The following PCDH1 variants were observed in gnomAD, a reference collection of about 807,000 sequenced individuals.
The protein encoded by PCDH1 is protocadherin 1.
Under a neutral mutation model 74.6 loss-of-function variants are expected in PCDH1, and 23 were observed. That is an observed-to-expected ratio of 0.31 (90% CI 0.22 to 0.44). The LOEUF is 0.44. Among genes scored for constraint, PCDH1 ranks in the 20% least tolerant of loss-of-function variants. The pLI is 1.00. For missense variants in PCDH1, 1,214 were observed against 1,641.4 expected (o/e 0.74, Z 4.50); for synonymous variants, 647 against 686.1 (o/e 0.94, Z 0.89).
chr5:141,860,791 A>G lies in PCDH1; in HGVS notation c.3099+2441T>C, dbSNP rs138722328. 2.8e-4 allele frequency among the ~76,000 whole-genome samples: 43 copies of G among 152,322 alleles called. No homozygotes were observed. The East Asian group carries it at 8.1e-3, about 29-fold the overall frequency. Reference sequence around the variant, plus strand: ...AACTAATTCACACAAAGTGCTTAGCATGGTACCTCACACCTAGTAAGGACT... The same window carrying G: ...AACTAATTCACACAAAGTGCTTAGCGTGGTACCTCACACCTAGTAAGGACT... On this transcript the variant is annotated intron_variant, in intron 3 of 4. Transcript: ENST00000287008.
chr5:141,874,768 C>A (rs947927585), intron 1 of PCDH1, among the ~76,000 whole-genome samples: 30 of 152,302 alleles, frequency 2.0e-4, no homozygotes, highest in African/African-American at 7.2e-4. Context: ...GACTCCCCAC[C>A]CTCACCCCAG....
chr5:141,868,430 G>A lies in PCDH1; in HGVS notation c.903+139C>T, dbSNP rs962886611. 5.6e-6 allele frequency: 8 copies of A among 1,418,352 alleles called. No homozygotes were observed. The highest frequency in any genetic ancestry group is 6.5e-5 in the Admixed American group (2 of 31,006). 87.9% of individuals were successfully genotyped at this position (1,418,352 alleles called of 1,614,324 possible). The stretch of plus-strand genomic sequence containing the variant: ...GGGTGGGGTGGGAAAGACTCCCCTG[G>A]CTGAGTTTGGGGAGAAGGGGTCTCA... On this transcript the variant is annotated intron_variant, in intron 2 of 4. Transcript: ENST00000287008. This position sits in a 1 kb window ranked among gnomAD's most constrained non-coding sequence, Gnocchi z 4.8.
At chr5:141,876,307 C>A (rs1308742143) in intron 1 of PCDH1, among the ~76,000 whole-genome samples, 1 of 152,146 alleles carries the variant, frequency 6.6e-6, no homozygotes, top group Non-Finnish European at 1.5e-5. Flanking sequence ...CAGGCCACCG[C>A]GGGGAATCCC....
At chr5:141,855,606 C>G (rs776864635) in intron 4 of PCDH1, among the ~76,000 whole-genome samples, 1 of 152,116 alleles carries the variant, frequency 6.6e-6, no homozygotes, top group Admixed American at 6.6e-5. Context: ...CACATGCTCC[C>G]GGTGGTCCTG....
Position 141,865,993 on chromosome 5 carries a change from G to A in PCDH1, c.904-566C>T. The A allele has an allele frequency of 1.1e-6, 1 of 929,896 alleles. No individual in the cohort carries two copies. Among genetic ancestry groups the A allele is most frequent in the Non-Finnish European group, 1.3e-6 (1 of 776,952 alleles). The allele number at this position is 929,896 out of a possible 1,614,324, so 57.6% of individuals were successfully genotyped here. A position where few individuals can be genotyped will look rare whatever the true frequency, so the allele number is the denominator to read the frequency against. The stretch of plus-strand genomic sequence containing the variant: ...TATGTGTATGATTGTGTCAGAATGT[G>A]TGATTATGTGTGATTTTTGTGTGAG... On this transcript the variant is annotated intron_variant, in intron 2 of 4. Coordinates refer to ENST00000287008, the MANE Select transcript of PCDH1 (RefSeq NM_032420.5). This position sits in a 1 kb window ranked among gnomAD's most constrained non-coding sequence, Gnocchi z 4.4.
chr5:141,876,995 T>C (rs1449033485), intron 1 of PCDH1, among the ~76,000 whole-genome samples: 1 of 152,158 alleles, frequency 6.6e-6, no homozygotes, highest in African/African-American at 2.4e-5. Context: ...GAGTGGGGGT[T>C]GGGGAGGCGC....
At chr5:141,866,182 G>C (rs1040643602) in intron 2 of PCDH1, 2 of 985,496 alleles carry the variant, frequency 2.0e-6, no homozygotes, top group Non-Finnish European at 2.4e-6. Context: ...CTGTCAAACC[G>C]GGGAAACCTG....
rs993384766 is a variant in PCDH1, at chr5:141,853,355, T to C, written c.*687A>G. 6.6e-6 allele frequency: 1 copy of C among 152,104 alleles called. No homozygotes were observed. The highest frequency in any genetic ancestry group is 2.4e-5 in the African/African-American group (1 of 41,300). 9.4% of individuals were successfully genotyped at this position (152,104 alleles called of 1,614,324 possible). The stretch of plus-strand genomic sequence containing the variant: ...GACAACACGACATCAACAAGAAAAG[T>C]TGCAAATCAGGCAGAAATGGGGACG... On this transcript the variant is annotated 3_prime_UTR_variant, in exon 5 of 5. Coordinates refer to ENST00000287008, the MANE Select transcript of PCDH1 (RefSeq NM_032420.5).
At position 141,862,092 on chromosome 5, in the gene PCDH1, A is replaced by G. The variant is rs1752590073; in HGVS notation, c.3099+1140T>C. 2.6e-5 allele frequency among the ~76,000 whole-genome samples: 4 copies of G among 152,082 alleles called. No individual in the cohort carries two copies. In the South Asian group the frequency reaches 8.3e-4, roughly 32 times the overall value. On this transcript the variant is annotated intron_variant, in intron 3 of 4. Coordinates refer to ENST00000287008, the MANE Select transcript of PCDH1 (RefSeq NM_032420.5). Reference sequence around the variant, plus strand: ...TCAGGCTGGTGATCATGGTGGGGAGACACAGGGGAGGGCCAGCGAATTGCT... The same window carrying G: ...TCAGGCTGGTGATCATGGTGGGGAGGCACAGGGGAGGGCCAGCGAATTGCT...
At chr5:141,871,871 C>T (rs548204424) in intron 1 of PCDH1, among the ~76,000 whole-genome samples, 25 of 152,250 alleles carry the variant, frequency 1.6e-4, no homozygotes, top group Middle Eastern at 3.4e-3. Context: ...CTCACTTACC[C>T]GATTCCCCTA....
At chr5:141,870,477 G>T (rs964946742) in intron 1 of PCDH1, among the ~76,000 whole-genome samples, 2 of 152,174 alleles carry the variant, frequency 1.3e-5, no homozygotes, top group Non-Finnish European at 2.9e-5. Context: ...GAGCCCAGCA[G>T]GTCTAACTGG....
rs1753293103 is a variant in PCDH1, at chr5:141,878,266, C to T, written c.-4G>A. On this transcript the variant is annotated 5_prime_UTR_variant, in exon 1 of 5. Transcript: ENST00000287008. The surrounding 1 kb of genome is among the most constrained non-coding windows in gnomAD (Gnocchi z 5.5). ...GGCCGCCCGCCCCGCTGTCCATGAG[C>T]CGCCGCCGGCCCCGGCCTGGGCTGC... is the stretch of plus-strand genomic sequence containing the variant. 2 of 1,309,432 alleles carry T rather than the reference C, an allele frequency of 1.5e-6. No individual in the cohort carries two copies. Among genetic ancestry groups the T allele is most frequent in the Non-Finnish European group, 1.9e-6 (2 of 1,033,332 alleles). 81.1% of individuals were successfully genotyped at this position (1,309,432 alleles called of 1,614,324 possible). A position where few individuals can be genotyped will look rare whatever the true frequency, so the allele number is the denominator to read the frequency against.
rs14359 is a variant in PCDH1, at chr5:141,863,068, C to T, written c.3099+164G>A. 1.5e-4 allele frequency: 200 copies of T among 1,364,838 alleles called. No individual in the cohort carries two copies. The highest frequency in any genetic ancestry group is 1.8e-4 in the Non-Finnish European group (191 of 1,054,920). 84.5% of individuals were successfully genotyped at this position (1,364,838 alleles called of 1,614,324 possible). ...CTTCACTCAGCCTAATCCGTGTGCCCGGTGAGGCACTAAGGCCCCACCTCC... is the reference window on the plus strand; with the variant it reads ...CTTCACTCAGCCTAATCCGTGTGCCTGGTGAGGCACTAAGGCCCCACCTCC... On this transcript the variant is annotated intron_variant, in intron 3 of 4. Transcript: ENST00000287008. This position sits in a 1 kb window ranked among gnomAD's most constrained non-coding sequence, Gnocchi z 7.5.
At position 141,878,180 on chromosome 5, in the gene PCDH1, G is replaced by A; in HGVS notation, c.40+43C>T. The A allele has an allele frequency of 7.0e-7, 1 of 1,429,316 alleles. No homozygotes were observed. The highest frequency in any genetic ancestry group is 9.2e-7 in the Non-Finnish European group (1 of 1,092,710). 88.5% of individuals were successfully genotyped at this position (1,429,316 alleles called of 1,614,324 possible). On this transcript the variant is annotated intron_variant, in intron 1 of 4. Coordinates refer to ENST00000287008, the MANE Select transcript of PCDH1 (RefSeq NM_032420.5). The surrounding 1 kb of genome is among the most constrained non-coding windows in gnomAD (Gnocchi z 5.5). ...AGCTCCCGCCGGCCATGACCGCTTC[G>A]GGCCCCAAGCCGCTGCTGCCTCCAC...
rs1753018495 is a variant in PCDH1 at position 141,869,327 on chromosome 5, G to A, written c.145C>T (p.Leu49=). ...LPSMLLALLL[L]LAPSPGHATR... is the part of the protein sequence containing the mutation. ...GCGTGGCCTGGGGATGGAGCCAGCA[G>A]GAGCAGCAGTGCTAGCAGCATGGAG... is the stretch of plus-strand genomic sequence containing the variant. The change falls in exon 2 of 5, where the codon CTG becomes TTG. Residue 49 remains leucine, a synonymous_variant. Coordinates refer to ENST00000287008, the MANE Select transcript of PCDH1 (RefSeq NM_032420.5). The surrounding 1 kb of genome is among the most constrained non-coding windows in gnomAD (Gnocchi z 4.9). The A allele has an allele frequency of 1.3e-6, 2 of 1,599,242 alleles. No individual in the cohort carries two copies. Among genetic ancestry groups the A allele is most frequent in the Admixed American group, 3.5e-5 (2 of 57,048 alleles).
Position 141,863,052 on chromosome 5 carries a change from G to A in PCDH1, c.3099+180C>T, listed in dbSNP as rs1752630747. 7 of 1,352,370 alleles carry A rather than the reference G, an allele frequency of 5.2e-6. No individual in the cohort carries two copies. The highest frequency in any genetic ancestry group is 6.7e-6 in the Non-Finnish European group (7 of 1,050,306). 83.8% of individuals were successfully genotyped at this position (1,352,370 alleles called of 1,614,324 possible). A position where few individuals can be genotyped will look rare whatever the true frequency, so the allele number is the denominator to read the frequency against. On this transcript the variant is annotated intron_variant, in intron 3 of 4. Transcript: ENST00000287008. This position sits in a 1 kb window ranked among gnomAD's most constrained non-coding sequence, Gnocchi z 7.5. ...CACACCCTCCCTTAATCTTCACTCA[G>A]CCTAATCCGTGTGCCCGGTGAGGCA...
chr5:141,873,192 C>T (rs1753136475), intron 1 of PCDH1, among the ~76,000 whole-genome samples: 1 of 151,786 alleles, frequency 6.6e-6, no homozygotes, highest in Non-Finnish European at 1.5e-5. Context: ...GTGGTGCGAT[C>T]TGGCCTCACT....
intron 1 of PCDH1, among the ~76,000 whole-genome samples, chr5:141,874,504 C>T (rs1753171173): frequency 6.6e-6 from 1 of 152,196 alleles, no homozygotes; most frequent in South Asian, 2.1e-4. Context: ...GGACCCATGT[C>T]CCTCAGATAG....
chr5:141,856,843 A>G (rs1752359642), intron 4 of PCDH1, among the ~76,000 whole-genome samples: 1 of 151,886 alleles, frequency 6.6e-6, no homozygotes, highest in African/African-American at 2.4e-5. Flanking sequence ...ACCACCACCC[A>G]CCTTCTCAAG....
Sources: gnomAD v4.1 joint callset for allele counts (sites outside exome capture counted in the v4.1 genomes callset) on GRCh38, gnomAD v4.1.1 for gene constraint, Gnocchi (gnomAD v3.1) non-coding constraint, MANE v1.5 for transcripts, NCBI Gene and HGNC (gene_info 2026-07-23, HGNC 2026-07-21) for gene names.